Variants in ASH1L observed in about 807,000 individuals in gnomAD.
The protein encoded by ASH1L is histone-lysine N-methyltransferase ASH1L.
Under a neutral mutation model 269.0 loss-of-function variants are expected in ASH1L, and 23 were observed. The ratio of observed to expected loss-of-function variants is 0.09; its 90% CI spans 0.06 to 0.12. The LOEUF is 0.12. Among genes scored for constraint, ASH1L ranks in the 10% least tolerant of loss-of-function variants. The pLI, the probability that ASH1L is intolerant of heterozygous loss-of-function variation, is 1.00. For missense variants in ASH1L, 2,912 were observed against 3,567.8 expected (o/e 0.82, Z 4.68); for synonymous variants, 1,187 against 1,253.5 (o/e 0.95, Z 1.12).
chr1:155,540,422 C>A (rs768296771), intron 1 of ASH1L, among the ~76,000 whole-genome samples: 35 of 152,184 alleles, frequency 2.3e-4, no homozygotes, highest in Non-Finnish European at 4.1e-4. Context: ...TCTGGCCTCA[C>A]CATTCCCCAC....
rs1430305901 is a variant in ASH1L at position 155,438,915 on chromosome 1, G to A, written c.5240C>T (p.Ser1747Phe). 1 of 1,614,176 alleles carries A rather than the reference G, an allele frequency of 6.2e-7. No homozygotes were observed. The highest frequency in any genetic ancestry group is 8.5e-7 in the Non-Finnish European group (1 of 1,180,048). ...VIATASAPPS[S>F]SPGRSHSKDR... ...CTTGCTGTGGCTACGGCCTGGACTG[G>A]AAGAAGGTGGTGCAGAGGCAGTTGC... The change falls in exon 5 of 28, where the codon TCC becomes TTC. Residue 1747 changes from serine to phenylalanine, a missense_variant. By Grantham distance (155) the Ser-to-Phe change is radical. Transcript: ENST00000392403.
intron 3 of ASH1L, among the ~76,000 whole-genome samples, chr1:155,464,003 GC>G (rs1459203671): frequency 1.3e-5 from 2 of 152,070 alleles, no homozygotes; most frequent in Non-Finnish European, 2.9e-5. Context: ...CTGACTCTTC[GC>G]CATAGCTTTT....
At chr1:155,435,297 C>T (rs933111955) in intron 5 of ASH1L, among the ~76,000 whole-genome samples, 1 of 152,070 alleles carries the variant, frequency 6.6e-6, no homozygotes, top group African/African-American at 2.4e-5. Flanking sequence ...ACATAAGTGA[C>T]ATAAAGAGCT....
At chr1:155,484,066 G>A (rs1257955826) in intron 2 of ASH1L, among the ~76,000 whole-genome samples, 1 of 152,098 alleles carries the variant, frequency 6.6e-6, no homozygotes, top group African/African-American at 2.4e-5. Context: ...GTGACTTATG[G>A]GAAAGTAAAC....
chr1:155,508,003 T>C (rs1284243599), intron 2 of ASH1L, among the ~76,000 whole-genome samples: 1 of 135,008 alleles, frequency 7.4e-6, no homozygotes, highest in Non-Finnish European at 1.6e-5. Flanking sequence ...TATACTTGAC[T>C]TTTTTTTTTT....
chr1:155,503,444 T>C (rs994484505), intron 2 of ASH1L, among the ~76,000 whole-genome samples: 3 of 152,200 alleles, frequency 2.0e-5, no homozygotes, highest in African/African-American at 7.2e-5. Flanking sequence ...AAAATATACA[T>C]AGTAAATTAG....
intron 1 of ASH1L, among the ~76,000 whole-genome samples, chr1:155,548,337 C>T (rs1265909853): frequency 6.6e-6 from 1 of 152,124 alleles, no homozygotes; most frequent in East Asian, 1.9e-4. Context: ...GCCTGACCAA[C>T]ACGGTAAAAC....
At chr1:155,526,050 C>T (rs959588417) in intron 1 of ASH1L, among the ~76,000 whole-genome samples, 5 of 151,056 alleles carry the variant, frequency 3.3e-5, no homozygotes, top group East Asian at 3.9e-4. Flanking sequence ...ATTTTTCATC[C>T]GCAGTTGGTT....
At chr1:155,474,581 G>C (rs1287866391) in intron 3 of ASH1L, among the ~76,000 whole-genome samples, 1 of 152,130 alleles carries the variant, frequency 6.6e-6, no homozygotes, top group Non-Finnish European at 1.5e-5. Flanking sequence ...TGCACCTGTA[G>C]TCCCAGCTAC....
At chr1:155,517,961 C>T (rs1196168953) in intron 2 of ASH1L, among the ~76,000 whole-genome samples, 4 of 151,326 alleles carry the variant, frequency 2.6e-5, no homozygotes, top group Middle Eastern at 3.4e-3. Context: ...CCACTACGCC[C>T]GGCTAATTTT....
chr1:155,397,313 G>A (rs534871432), intron 6 of ASH1L, among the ~76,000 whole-genome samples: 7,927 of 151,678 alleles, frequency 0.052, 698 homozygotes, highest in African/African-American at 0.18. Flanking sequence ...CCTGGCCAAT[G>A]TGATAAAACC....
chr1:155,498,198 A>ATTCATAAG (rs1667281141), intron 2 of ASH1L, among the ~76,000 whole-genome samples: 1 of 152,132 alleles, frequency 6.6e-6, no homozygotes, highest in Non-Finnish European at 1.5e-5. Flanking sequence ...AAAGACAGAA[A>ATTCATAAG]ACAGAATAGT....
chr1:155,415,375 C>G (rs1241378209), intron 6 of ASH1L, among the ~76,000 whole-genome samples: 1 of 144,482 alleles, frequency 6.9e-6, no homozygotes. Context: ...GGGCGAGACT[C>G]CGTCTCAAAA....
chr1:155,486,498 C>G (rs1480729338), intron 2 of ASH1L, among the ~76,000 whole-genome samples: 1 of 150,396 alleles, frequency 6.6e-6, no homozygotes, highest in Non-Finnish European at 1.5e-5. Context: ...TGACTATAGT[C>G]AATAATCATT....
intron 16 of ASH1L, 125 bp downstream of exon 16, chr1:155,354,348 C>G: frequency 1.3e-6 from 1 of 795,460 alleles, no homozygotes; most frequent in Non-Finnish European, 1.9e-6. Context: ...GAGGCTGAGG[C>G]AGGATAATTG....
At chr1:155,384,511 G>C (rs1571063654) in intron 7 of ASH1L, among the ~76,000 whole-genome samples, 1 of 151,606 alleles carries the variant, frequency 6.6e-6, no homozygotes, top group East Asian at 1.9e-4. Flanking sequence ...TTTTTTCTGA[G>C]ATTCGTTCTC....
At chr1:155,546,527 G>A (rs1034308646) in intron 1 of ASH1L, among the ~76,000 whole-genome samples, 2 of 151,978 alleles carry the variant, frequency 1.3e-5, no homozygotes, top group Non-Finnish European at 2.9e-5. Flanking sequence ...TTGGGAGGCC[G>A]AGGCGGGCAG....
At position 155,357,691 on chromosome 1, in the gene ASH1L, C is replaced by T. The variant is rs779975153; in HGVS notation, c.6854G>A (p.Arg2285His). 1.7e-5 allele frequency: 28 copies of T among 1,614,044 alleles called. No homozygotes were observed. The highest frequency in any genetic ancestry group is 3.3e-5 in the South Asian group (3 of 91,086). ...CRGIIGGKSQ[R>H]VNGLTSSKNS... ...TTTGCTGCTGGTGAGTCCATTCACA[C>T]GCTGACTCTTGCCTCCGATGATTCC... Residue 2285 changes from arginine to histidine, a missense_variant, in exon 14 of 28, where the codon CGT becomes CAT. Around this residue, in one of 13 missense-constraint regions of ASH1L, gnomAD observed 309 missense variants for 435.1 expected, o/e 0.71. Transcript: ENST00000392403.
chr1:155,482,561 C>T, intron 2 of ASH1L, 112 bp from the exon 3 acceptor site: 3 of 1,186,138 alleles, frequency 2.5e-6, no homozygotes, highest in Non-Finnish European at 3.6e-6. Flanking sequence ...CAATAGGCAA[C>T]AGTGGTTTTT....
Sources: allele counts gnomAD v4.1 joint callset (sites outside exome capture counted in the v4.1 genomes callset), GRCh38; gene constraint gnomAD v4.1.1; regional missense constraint gnomAD v4.1.1; transcripts MANE v1.5; gene names NCBI Gene and HGNC (gene_info 2026-07-23, HGNC 2026-07-21).